SLC47A2: variants seen among roughly 807,000 people sequenced by gnomAD.
SLC47A2 encodes the protein solute carrier family 47 member 2, also known as multidrug and toxin extrusion protein 2.
In SLC47A2, 52 loss-of-function variants were observed where a neutral mutation model predicts 67.7. That is an observed-to-expected ratio of 0.77 (90% CI 0.61 to 0.97). SLC47A2 has a LOEUF of 0.97. SLC47A2 is among the 50% of genes least tolerant of loss of function. The pLI is 0.00. For missense variants in SLC47A2, 676 were observed against 712.3 expected, an observed-to-expected ratio of 0.95 and a Z score of 0.58; for synonymous variants, 278 against 292.9, an observed-to-expected ratio of 0.95 and a Z score of 0.52.
intron 13 of SLC47A2, among the ~76,000 whole-genome samples, chr17:19,701,257 C>T (rs1048821502): frequency 2.0e-5 from 3 of 151,866 alleles, no homozygotes; most frequent in Non-Finnish European, 4.4e-5. Flanking sequence ...TTGATAAAGG[C>T]CACAAATATG....
intron 13 of SLC47A2, among the ~76,000 whole-genome samples, chr17:19,697,578 A>T (rs1299054992): frequency 6.6e-6 from 1 of 152,148 alleles, no homozygotes; most frequent in Non-Finnish European, 1.5e-5. Flanking sequence ...TCATATTTTT[A>T]AAATTTGTTT....
At chr17:19,689,851 C>T (rs1048749050) in intron 13 of SLC47A2, among the ~76,000 whole-genome samples, 2 of 152,168 alleles carry the variant, frequency 1.3e-5, no homozygotes, top group African/African-American at 4.8e-5. Flanking sequence ...CTACCCAAAG[C>T]ATTCTACAGA....
intron 10 of SLC47A2, among the ~76,000 whole-genome samples, 175 bp from the exon 11 acceptor site, chr17:19,704,353 TG>T (rs1362081700): frequency 5.9e-5 from 9 of 152,030 alleles, no homozygotes; most frequent in Non-Finnish European, 1.3e-4. Context: ...GGGCTGGGGC[TG>T]GGAGAAGGGT....
rs1247789637 is a variant in SLC47A2 at position 19,695,168 on chromosome 17, C to T, written c.1164+7437G>A. Reference sequence around the variant, plus strand: ...AGGAAGAAAAAGTTTAAGAGACCTACTGTACAACATGTTAACTATTGTATA... The same window carrying T: ...AGGAAGAAAAAGTTTAAGAGACCTATTGTACAACATGTTAACTATTGTATA... On this transcript the variant is annotated intron_variant, in intron 13 of 16. Coordinates refer to ENST00000433844, the MANE Select transcript of SLC47A2 (RefSeq NM_001099646.3). Among the ~76,000 whole-genome samples the T allele has an allele frequency of 2.0e-5, 3 of 152,086 alleles. No individual in the cohort carries two copies. In the East Asian group the frequency reaches 5.8e-4, roughly 29 times the overall value.
chr17:19,704,795 A>G, intron 10 of SLC47A2: 2 of 725,806 alleles, frequency 2.8e-6, no homozygotes, highest in Non-Finnish European at 2.2e-6. Context: ...GTGTGCAGGA[A>G]TGTGGCCTGC....
Position 19,713,881 on chromosome 17 carries a change from G to C in SLC47A2, c.387C>G (p.Leu129=). 6.2e-7 allele frequency: 1 copy of C among 1,613,836 alleles called. No individual in the cohort carries two copies. Among genetic ancestry groups the C allele is most frequent in the South Asian group, 1.1e-5 (1 of 91,072 alleles). ...LLLCCLPCWA[L]FLNTQHILLL... ...GCAGGATGTGCTGGGTGTTGAGGAAGAGCGCCCAGCAAGGGAGGCAGCAGA... is the reference window on the plus strand; with the variant it reads ...GCAGGATGTGCTGGGTGTTGAGGAACAGCGCCCAGCAAGGGAGGCAGCAGA... Residue 129 remains leucine (L), a synonymous_variant, in exon 4 of 17, where the codon CTC becomes CTG. Transcript: ENST00000433844.
intron 5 of SLC47A2, among the ~76,000 whole-genome samples, chr17:19,709,443 A>G (rs2086038368): frequency 6.6e-6 from 1 of 152,082 alleles, no homozygotes; most frequent in African/African-American, 2.4e-5. Context: ...TATTTTCAGC[A>G]TAGTGTACTG....
At chr17:19,682,792 A>C (rs943836697) in intron 13 of SLC47A2, among the ~76,000 whole-genome samples, 1 of 152,210 alleles carries the variant, frequency 6.6e-6, no homozygotes, top group African/African-American at 2.4e-5. Flanking sequence ...ATTCCATATG[A>C]GACAAGCAGC....
chr17:19,716,290 C>G, intron 1 of SLC47A2, 143 bp downstream of exon 1: 3 of 1,315,740 alleles, frequency 2.3e-6, no homozygotes, highest in Non-Finnish European at 2.0e-6. Flanking sequence ...ATCCTGCTGT[C>G]CCCAGACTCT....
chr17:19,706,941 C>T (rs1168535286), intron 8 of SLC47A2, among the ~76,000 whole-genome samples, 180 bp from the exon 9 acceptor site: 4 of 152,132 alleles, frequency 2.6e-5, no homozygotes, highest in Non-Finnish European at 4.4e-5. Context: ...TTGGGGCCTA[C>T]GGAGGAGGAG....
At chr17:19,715,094 C>T in intron 2 of SLC47A2, 22 bp downstream of exon 2, 4 of 1,608,158 alleles carry the variant, frequency 2.5e-6, no homozygotes, top group Non-Finnish European at 3.4e-6. Flanking sequence ...CGTCCCTGCT[C>T]TGGGCCAAGC....
intron 13 of SLC47A2, among the ~76,000 whole-genome samples, chr17:19,683,666 C>A (rs1358177807): frequency 1.3e-5 from 2 of 152,082 alleles, no homozygotes; most frequent in Non-Finnish European, 2.9e-5. Flanking sequence ...TGAAGAGACC[C>A]GTAGTACCCA....
chr17:19,687,872 T>A (rs1403826984), intron 13 of SLC47A2, among the ~76,000 whole-genome samples: 1 of 152,196 alleles, frequency 6.6e-6, no homozygotes, highest in Non-Finnish European at 1.5e-5. Flanking sequence ...CTTCTCAGCC[T>A]TTTGGCTAAG....
In SLC47A2 at chr17:19,708,395, A is replaced by G. The variant is rs2086003024; in HGVS notation, c.536T>C (p.Ile179Thr). ...LLAKYLQNQK[I>T]TWPQVLSGVV... Reference sequence around the variant, plus strand: ...ACCACTGAGGACTTGGGGCCAGGTGATCTTCTGAAATAAATGAAAACTGGC... The same window carrying G: ...ACCACTGAGGACTTGGGGCCAGGTGGTCTTCTGAAATAAATGAAAACTGGC... Residue 179 changes from isoleucine (I) to threonine (T), a missense_variant, in exon 7 of 17, where the codon ATC becomes ACC. Coordinates refer to ENST00000433844, the MANE Select transcript of SLC47A2 (RefSeq NM_001099646.3). 1 of 1,614,092 alleles carries G rather than the reference A, an allele frequency of 6.2e-7. No homozygotes were observed.
chr17:19,696,586 G>C (rs1312125626), intron 13 of SLC47A2, among the ~76,000 whole-genome samples: 1 of 152,144 alleles, frequency 6.6e-6, no homozygotes, highest in Non-Finnish European at 1.5e-5. Context: ...AGCTAGAAGA[G>C]AGGCCCAGAA....
At chr17:19,702,543 G>C (rs929295904) in intron 13 of SLC47A2, 62 bp downstream of exon 13, 8 of 1,601,334 alleles carry the variant, frequency 5.0e-6, no homozygotes, top group Non-Finnish European at 6.8e-6. Flanking sequence ...AGGTCCTGGG[G>C]AGGGCACAAG....
intron 13 of SLC47A2, among the ~76,000 whole-genome samples, chr17:19,694,446 A>G (rs979530921): frequency 6.6e-6 from 1 of 152,244 alleles, no homozygotes; most frequent in Non-Finnish European, 1.5e-5. Context: ...GGAATTGTGA[A>G]TTCAGAAGTA....
At chr17:19,702,519 C>T (rs183215077) in intron 13 of SLC47A2, 86 bp downstream of exon 13, 29 of 1,575,986 alleles carry the variant, frequency 1.8e-5, no homozygotes, top group Non-Finnish European at 2.5e-5. Context: ...CAAGTTCATC[C>T]TCACAGCCCT....
At chr17:19,682,349 A>ACG (rs1040982371) in intron 13 of SLC47A2, among the ~76,000 whole-genome samples, 1 of 151,062 alleles carries the variant, frequency 6.6e-6, no homozygotes, top group Admixed American at 6.6e-5. Context: ...ACACACACAC[A>ACG]CACACACACA....
Sources: gnomAD v4.1 joint callset for allele counts (sites outside exome capture counted in the v4.1 genomes callset) on GRCh38, gnomAD v4.1.1 for gene constraint, MANE v1.5 for transcripts, NCBI Gene and HGNC (gene_info 2026-07-23, HGNC 2026-07-21) for gene names.